NCOA7: variants seen among roughly 807,000 people sequenced by gnomAD.
NCOA7 encodes the protein nuclear receptor coactivator 7, also known as 140 kDa estrogen receptor-associated protein.
NCOA7 carries 45 observed loss-of-function variants against 104.3 expected under a neutral mutation model. That is an observed-to-expected ratio of 0.43 (90% CI 0.34 to 0.55). The LOEUF (loss-of-function observed/expected upper bound fraction) is 0.55. Among genes scored for constraint, NCOA7 ranks in the 20% least tolerant of loss-of-function variants. NCOA7 has a pLI of 0.02. For synonymous variants in NCOA7, 398 were observed against 402.3 expected (o/e 0.99, Z 0.13); for missense variants, 1,041 against 1,119.7 (o/e 0.93, Z 1.00).
intron 7 of NCOA7, among the ~76,000 whole-genome samples, chr6:125,884,884 G>C (rs1784132718): frequency 6.6e-6 from 1 of 152,200 alleles, no homozygotes; most frequent in African/African-American, 2.4e-5. Context: ...GTGAGAACCA[G>C]GATCACTCCA....
In NCOA7 at chr6:125,907,230, G is replaced by A. The variant is rs1259694851; in HGVS notation, c.2097-8103G>A. ...TGCCAGTGCCCTGAACATCTCAGAG[G>A]AAAGAAGAACAAGCATTTGCTGGCA... On this transcript the variant is annotated intron_variant, in intron 10 of 15. Transcript: ENST00000392477. Among the ~76,000 whole-genome samples the A allele has an allele frequency of 2.6e-5, 4 of 152,208 alleles. No homozygotes were observed. The East Asian group carries it at 7.7e-4, about 29-fold the overall frequency.
At chr6:125,871,395 C>A (rs181871423) in intron 3 of NCOA7, among the ~76,000 whole-genome samples, 1 of 152,248 alleles carries the variant, frequency 6.6e-6, no homozygotes, top group African/African-American at 2.4e-5. Context: ...TGTGCTGCAG[C>A]ACCCAGTCCC....
intron 14 of NCOA7, 54 bp from the exon 15 acceptor site, chr6:125,928,120 T>C (rs1400598900): frequency 6.8e-7 from 1 of 1,466,060 alleles, no homozygotes; most frequent in Non-Finnish European, 9.5e-7. Context: ...ATTTCCTCAT[T>C]GCTAATTCTC....
intron 10 of NCOA7, among the ~76,000 whole-genome samples, chr6:125,903,582 A>G (rs1005273554): frequency 4.6e-5 from 7 of 151,856 alleles, no homozygotes; most frequent in Non-Finnish European, 8.8e-5. Flanking sequence ...CATCTATACT[A>G]CTGTTTACTT....
intron 2 of NCOA7, among the ~76,000 whole-genome samples, chr6:125,842,597 CTT>C (rs1159341900): frequency 6.6e-6 from 1 of 152,058 alleles, no homozygotes; most frequent in Non-Finnish European, 1.5e-5. Context: ...TTTTGGGAGA[CTT>C]TCTTGGCTTT....
intron 2 of NCOA7, among the ~76,000 whole-genome samples, chr6:125,843,090 T>C (rs1471014913): frequency 6.6e-6 from 1 of 152,222 alleles, no homozygotes; most frequent in Non-Finnish European, 1.5e-5. Context: ...CTGAGAATGT[T>C]ACCTTTTATG....
intron 7 of NCOA7, among the ~76,000 whole-genome samples, chr6:125,884,324 C>T (rs1402648621): frequency 6.6e-6 from 1 of 152,122 alleles, no homozygotes; most frequent in African/African-American, 2.4e-5. Context: ...AGTGCAGATA[C>T]CTGTTTGAGA....
intron 3 of NCOA7, chr6:125,855,452 C>A (rs1781472971): frequency 4.1e-6 from 2 of 485,940 alleles, no homozygotes; most frequent in Admixed American, 7.1e-5. Flanking sequence ...GCATTTAGCA[C>A]AGTGCCCAGA....
In NCOA7 at chr6:125,906,632, T is replaced by G. The variant is rs17053685; in HGVS notation, c.2097-8701T>G. On this transcript the variant is annotated intron_variant, in intron 10 of 15. Transcript: ENST00000392477. ...GGTGAGGGTGAGCCTGAAAGAGAGA[T>G]CCTAAAGTATATGAACCCAGAAGAG... 7.5e-3 allele frequency among the ~76,000 whole-genome samples: 1,142 copies of G among 152,014 alleles called. 16 individuals are homozygous for G. The highest frequency in any genetic ancestry group is 0.025 in the African/African-American group (1,047 of 41,458).
intron 10 of NCOA7, among the ~76,000 whole-genome samples, chr6:125,914,642 G>C (rs1353420953): frequency 6.6e-6 from 1 of 152,136 alleles, no homozygotes; most frequent in Non-Finnish European, 1.5e-5. Context: ...GATGGTTATA[G>C]TATGAACCTT....
intron 2 of NCOA7, among the ~76,000 whole-genome samples, chr6:125,849,953 G>A (rs914437614): frequency 7.2e-5 from 11 of 152,104 alleles, no homozygotes; most frequent in African/African-American, 2.7e-4. Context: ...AAAATGCTTA[G>A]ATGAAATAAT....
chr6:125,786,746 T>G (rs1281805140), upstream of NCOA7, among the ~76,000 whole-genome samples: 1 of 152,158 alleles, frequency 6.6e-6, no homozygotes, highest in Non-Finnish European at 1.5e-5. Flanking sequence ...CAGCTAAGTT[T>G]TGTATTTTTA....
At chr6:125,901,607 G>C (rs1278750625) in intron 10 of NCOA7, among the ~76,000 whole-genome samples, 1 of 152,210 alleles carries the variant, frequency 6.6e-6, no homozygotes, top group African/African-American at 2.4e-5. Flanking sequence ...GCGTCTAGGG[G>C]TTGCCCACGA....
chr6:125,895,592 G>C (rs1481111189), intron 10 of NCOA7, among the ~76,000 whole-genome samples: 1 of 152,158 alleles, frequency 6.6e-6, no homozygotes, highest in Admixed American at 6.5e-5. Context: ...TAATTGACGA[G>C]AAACAAAGGT....
upstream of NCOA7, among the ~76,000 whole-genome samples, chr6:125,788,926 G>T (rs190743722): frequency 3.9e-5 from 6 of 152,002 alleles, no homozygotes; most frequent in Non-Finnish European, 8.8e-5. Flanking sequence ...AAACATCACT[G>T]CTTAATTTAT....
At chr6:125,885,017 C>T (rs761156145) in intron 7 of NCOA7, 142 bp from the exon 8 acceptor site, 2 of 836,020 alleles carry the variant, frequency 2.4e-6, no homozygotes, top group South Asian at 3.5e-5. Flanking sequence ...TTCTGGTCCT[C>T]ACAAAGGGGA....
At chr6:125,834,056 A>T (rs935106842) in intron 2 of NCOA7, among the ~76,000 whole-genome samples, 1 of 150,160 alleles carries the variant, frequency 6.7e-6, no homozygotes, top group African/African-American at 2.4e-5. Context: ...GGTCGGTAGG[A>T]TTATTAAGAC....
rs559931537 is a variant in NCOA7 at position 125,854,932 on chromosome 6, T to G, written c.51-88T>G. 5.3e-5 allele frequency: 45 copies of G among 847,708 alleles called. No individual in the cohort carries two copies. The African/African-American group carries it at 6.8e-4, about 13-fold the overall frequency. 52.5% of individuals were successfully genotyped at this position (847,708 alleles called of 1,614,324 possible). On this transcript the variant is annotated intron_variant, in intron 2 of 15. Coordinates refer to ENST00000392477, the MANE Select transcript of NCOA7 (RefSeq NM_181782.5). ...GTGTTTTCTGTATCAGTTCATTAGT[T>G]TTCAAAGTCCAGCAGCGTGAAATTA... is the stretch of plus-strand genomic sequence containing the variant.
Position 125,823,493 on chromosome 6 carries a change from G to A in NCOA7, c.50+8089G>A, listed in dbSNP as rs542771168. On this transcript the variant is annotated intron_variant, in intron 2 of 15. Coordinates refer to ENST00000392477, the MANE Select transcript of NCOA7 (RefSeq NM_181782.5). ...TACTAACTAAACTGTTGTATGAGCCGTGATGTTAAGGCTTATATTTTGTAT... is the reference window on the plus strand; with the variant it reads ...TACTAACTAAACTGTTGTATGAGCCATGATGTTAAGGCTTATATTTTGTAT... 6.1e-4 allele frequency among the ~76,000 whole-genome samples: 93 copies of A among 152,218 alleles called. 1 individual carries two copies. In the South Asian group the frequency reaches 0.016, roughly 26 times the overall value.
Sources: allele counts gnomAD v4.1 joint callset (sites outside exome capture counted in the v4.1 genomes callset), GRCh38; gene constraint gnomAD v4.1.1; transcripts MANE v1.5; gene names NCBI Gene and HGNC (gene_info 2026-07-23, HGNC 2026-07-21).